Variants in ACOT4 observed in about 807,000 individuals in gnomAD.
ACOT4 encodes peroxisomal succinyl-coenzyme A thioesterase.
A neutral mutation model predicts 17.1 loss-of-function variants in ACOT4; 18 were observed. The observed-to-expected ratio is 1.05, with a 90% CI of 0.73 to 1.56. The LOEUF (loss-of-function observed/expected upper bound fraction) is 1.56, where lower values mean the gene tolerates loss of function less well. ACOT4 is among the 40% of genes most tolerant of loss of function. The pLI, the probability that ACOT4 is intolerant of heterozygous loss-of-function variation, is 0.00. For missense variants in ACOT4, 574 were observed against 557.2 expected (o/e 1.03, Z -0.30); for synonymous variants, 234 against 236.6 (o/e 0.99, Z 0.10).
chr14:73,594,729 C>T (rs1342429177), intron 2 of ACOT4, among the ~76,000 whole-genome samples: 1 of 151,718 alleles, frequency 6.6e-6, no homozygotes, highest in East Asian at 1.9e-4. Flanking sequence ...GAGACGGAGT[C>T]TCGCTTTGTC....
chr14:73,593,073 T>C (rs958901340), intron 1 of ACOT4, among the ~76,000 whole-genome samples: 13 of 152,230 alleles, frequency 8.5e-5, no homozygotes, highest in African/African-American at 2.9e-4. Flanking sequence ...TAAGGCAGAA[T>C]GATGACAGTG....
rs1420256731 is a variant in ACOT4, at chr14:73,592,403, C to T, written c.444C>T (p.Leu148=). 1 of 1,531,578 alleles carries T rather than the reference C, an allele frequency of 6.5e-7. No homozygotes were observed. The allele number at this position is 1,531,578 out of a possible 1,614,324, so 94.9% of individuals were successfully genotyped here. A position where few individuals can be genotyped will look rare whatever the true frequency, so the allele number is the denominator to read the frequency against. ...SVRAGRVRAT[L]FLPPGPGPFP... is the part of the protein sequence containing the mutation. ...GAGCGGGCCGGGTGCGCGCCACGCTCTTCCTGCCGCCAGGTGAGCCAGGCT... is the reference window on the plus strand; with the variant it reads ...GAGCGGGCCGGGTGCGCGCCACGCTTTTCCTGCCGCCAGGTGAGCCAGGCT... Residue 148 remains leucine (L), a synonymous_variant, in exon 1 of 3, where the codon CTC becomes CTT. Coordinates refer to ENST00000326303, the MANE Select transcript of ACOT4 (RefSeq NM_152331.4).
Position 73,592,166 on chromosome 14 carries a change from C to T in ACOT4, c.207C>T (p.Gly69=), listed in dbSNP as rs770940904. Residue 69 remains glycine, a synonymous_variant, in exon 1 of 3, where the codon GGC becomes GGT. Coordinates refer to ENST00000326303, the MANE Select transcript of ACOT4 (RefSeq NM_152331.4). ...ELDLERAPAL[G]GSFAGLEPMG... ...ACCTGGAGCGCGCACCCGCGCTGGG[C>T]GGCAGCTTCGCGGGACTCGAGCCCA... 9 of 1,602,452 alleles carry T rather than the reference C, an allele frequency of 5.6e-6. No homozygotes were observed. Among genetic ancestry groups the T allele is most frequent in the South Asian group, 1.1e-5 (1 of 89,304 alleles).
At position 73,593,687 on chromosome 14, in the gene ACOT4, T is replaced by C. The variant is rs772463262; in HGVS notation, c.458-15T>C. On this transcript the variant is annotated splice_polypyrimidine_tract_variant and intron_variant, in intron 1 of 2. Transcript: ENST00000326303. The stretch of plus-strand genomic sequence containing the variant: ...ATTGTATAATGGCTTACATTTATAA[T>C]ATTTTGTTCTCTAGGACCTGGACCC... 7.6e-6 allele frequency: 12 copies of C among 1,583,466 alleles called. No individual in the cohort carries two copies. Among genetic ancestry groups the C allele is most frequent in the South Asian group, 2.2e-5 (2 of 88,912 alleles).
At chr14:73,593,336 C>CTTTTTTTTTTTTT (rs60704237) in intron 1 of ACOT4, among the ~76,000 whole-genome samples, 15 of 104,862 alleles carry the variant, frequency 1.4e-4, no homozygotes, top group Non-Finnish European at 2.2e-4. Flanking sequence ...TTCTTTCTTT[C>CTTTTTTTTTTTTT]TTTTTTTTTT....
rs957222093 is a variant in ACOT4 at position 73,592,352 on chromosome 14, G to T, written c.393G>T (p.Pro131=). The T allele has an allele frequency of 2.5e-6, 4 of 1,591,426 alleles. No homozygotes were observed. The highest frequency in any genetic ancestry group is 2.3e-5 in the East Asian group (1 of 43,662). The change falls in exon 1 of 3, where the codon CCG becomes CCT. Residue 131 remains proline (P), a synonymous_variant. Transcript: ENST00000326303. ...CGCAGCACGAGCGCCACTTCCTCCC[G>T]CCAGGGGTGCGGCGCCAGTCGGTGC... ...CQAQHERHFL[P]PGVRRQSVRA... is the part of the protein sequence containing the mutation.
chr14:73,592,425 G>C lies in ACOT4; in HGVS notation c.457+9G>C. 1 of 1,501,058 alleles carries C rather than the reference G, an allele frequency of 6.7e-7. No homozygotes were observed. Among genetic ancestry groups the C allele is most frequent in the Non-Finnish European group, 8.8e-7 (1 of 1,132,498 alleles). The allele number at this position is 1,501,058 out of a possible 1,614,324, so 93.0% of individuals were successfully genotyped here. ...GCTCTTCCTGCCGCCAGGTGAGCCAGGCTGCTGGCGGGTGGTGTGAGCGTC... is the reference window on the plus strand; with the variant it reads ...GCTCTTCCTGCCGCCAGGTGAGCCACGCTGCTGGCGGGTGGTGTGAGCGTC... On this transcript the variant is annotated intron_variant, in intron 1 of 2. Coordinates refer to ENST00000326303, the MANE Select transcript of ACOT4 (RefSeq NM_152331.4).
At chr14:73,593,428 T>C (rs1157268299) in intron 1 of ACOT4, among the ~76,000 whole-genome samples, 1 of 141,220 alleles carries the variant, frequency 7.1e-6, no homozygotes, top group African/African-American at 2.6e-5. Flanking sequence ...AGCCTTGACC[T>C]CTGGGGCTCA....
chr14:73,595,069 G>T lies in ACOT4; in HGVS notation c.681G>T (p.Gly227=). Reference sequence around the variant, plus strand: ...TCCAGGTAAAAGGCCCAGGCATTGGGCTTTTGGGCATTTCTCTAGGAGCTG... The same window carrying T: ...TCCAGGTAAAAGGCCCAGGCATTGGTCTTTTGGGCATTTCTCTAGGAGCTG... ...QHPQVKGPGI[G]LLGISLGADI... is the part of the protein sequence containing the mutation. The change falls in exon 3 of 3, where the codon GGG becomes GGT. Residue 227 remains glycine (G), a synonymous_variant. Coordinates refer to ENST00000326303, the MANE Select transcript of ACOT4 (RefSeq NM_152331.4). The T allele has an allele frequency of 6.2e-7, 1 of 1,613,840 alleles. No homozygotes were observed. Among genetic ancestry groups the T allele is most frequent in the Non-Finnish European group, 8.5e-7 (1 of 1,179,982 alleles).
At chr14:73,592,486 T>G (rs1890171613) in intron 1 of ACOT4, 70 bp downstream of exon 1, 1 of 1,420,918 alleles carries the variant, frequency 7.0e-7, no homozygotes, top group East Asian at 2.5e-5. Context: ...CAGTGCTGAT[T>G]TAGCACTGGT....
Position 73,593,731 on chromosome 14 carries a change from A to G in ACOT4, c.487A>G (p.Ile163Val). The change falls in exon 2 of 3, where the codon ATC (isoleucine) becomes GTC (valine). Residue 163 changes from isoleucine (I) to valine (V), a missense_variant. Transcript: ENST00000326303. Reference protein sequence around the residue: ...GPGPFPGIIDIFGIGGGLLEY... With the variant: ...GPGPFPGIIDVFGIGGGLLEY... ...TGGACCCTTCCCAGGGATCATTGACATCTTTGGTATTGGAGGGGGCCTCTT... is the reference window on the plus strand; with the variant it reads ...TGGACCCTTCCCAGGGATCATTGACGTCTTTGGTATTGGAGGGGGCCTCTT... 4.3e-6 allele frequency: 7 copies of G among 1,613,062 alleles called. No individual in the cohort carries two copies. The highest frequency in any genetic ancestry group is 5.9e-6 in the Non-Finnish European group (7 of 1,179,380).
Position 73,595,148 on chromosome 14 carries a change from A to G in ACOT4, c.760A>G (p.Ile254Val), listed in dbSNP as rs745343293. The change falls in exon 3 of 3, where the codon ATC becomes GTC. Residue 254 changes from isoleucine to valine, a missense_variant. Ile to Val is a conservative substitution (Grantham distance 29, BLOSUM62 3). Transcript: ENST00000326303. ...GAAGAATGTCTCAGCCACAGTTTCC[A>G]TCAATGGATCTGGGATCAGTGGGAA... ...FLKNVSATVS[I>V]NGSGISGNTA... 3 of 1,614,220 alleles carry G rather than the reference A, an allele frequency of 1.9e-6. No individual in the cohort carries two copies. The highest frequency in any genetic ancestry group is 1.1e-5 in the South Asian group (1 of 91,084).
rs1199364877 is a variant in ACOT4, at chr14:73,592,110, C to A, written c.151C>A (p.Arg51Ser). Reference protein sequence around the residue: ...EKGALFRAHARYCADARGELD... With the variant: ...EKGALFRAHASYCADARGELD... ...GGGCGCGCTCTTCCGGGCCCACGCG[C>A]GCTACTGCGCCGACGCCCGCGGCGA... Residue 51 changes from arginine (R) to serine (S), a missense_variant, in exon 1 of 3, where the codon CGC becomes AGC. By Grantham distance (110) the Arg-to-Ser change is moderately radical. Coordinates refer to ENST00000326303, the MANE Select transcript of ACOT4 (RefSeq NM_152331.4). The A allele has an allele frequency of 4.0e-6, 6 of 1,509,880 alleles. No homozygotes were observed. The South Asian group carries it at 7.6e-5, about 19-fold the overall frequency. 93.5% of individuals were successfully genotyped at this position (1,509,880 alleles called of 1,614,324 possible). A position where few individuals can be genotyped will look rare whatever the true frequency, so the allele number is the denominator to read the frequency against.
chr14:73,592,786 G>A (rs564916337), intron 1 of ACOT4, among the ~76,000 whole-genome samples: 1 of 152,316 alleles, frequency 6.6e-6, no homozygotes, highest in East Asian at 1.9e-4. Flanking sequence ...CTGGGAGATG[G>A]AGGTTGCAGT....
chr14:73,593,959 G>A (rs1890202032), intron 2 of ACOT4, 55 bp downstream of exon 2: 16 of 1,472,774 alleles, frequency 1.1e-5, no homozygotes, highest in Non-Finnish European at 1.5e-5. Flanking sequence ...TCCATAGAGA[G>A]TGTAACCTTT....
Position 73,595,374 on chromosome 14 carries a change from G to A in ACOT4, c.986G>A (p.Trp329Ter). Reference sequence around the variant, plus strand: ...ATTGTTGGTCAGGATGACCATAACTGGAGAAGTGAGTTGTATGCCCAAACA... The same window carrying A: ...ATTGTTGGTCAGGATGACCATAACTAGAGAAGTGAGTTGTATGCCCAAACA... ...LLIVGQDDHNWRSELYAQTVS... is the reference protein window; with the variant it reads ...LLIVGQDDHN The change falls in exon 3 of 3, where the codon TGG (tryptophan) becomes TAG (stop). Residue 329 changes from tryptophan to a stop codon, truncating the protein, a stop_gained. Transcript: ENST00000326303. LOFTEE classifies it low-confidence loss of function (END_TRUNC). 1.9e-6 allele frequency: 3 copies of A among 1,614,230 alleles called. No homozygotes were observed. The highest frequency in any genetic ancestry group is 2.5e-6 in the Non-Finnish European group (3 of 1,180,048).
intron 1 of ACOT4, 130 bp from the exon 2 acceptor site, chr14:73,593,572 G>A (rs1890191767): frequency 3.9e-6 from 3 of 759,778 alleles, no homozygotes; most frequent in Non-Finnish European, 4.2e-6. Context: ...TGAACTCCTG[G>A]CCTCAAGCAA....
At chr14:73,593,336 C>CTTTTTTTTTTTTTTTTTTTTTT (rs60704237) in intron 1 of ACOT4, among the ~76,000 whole-genome samples, 2 of 104,872 alleles carry the variant, frequency 1.9e-5, no homozygotes, top group Non-Finnish European at 3.6e-5. Context: ...TTCTTTCTTT[C>CTTTTTTTTTTTTTTTTTTTTTT]TTTTTTTTTT....
At chr14:73,592,540 A>C (rs1890172591) in intron 1 of ACOT4, 124 bp downstream of exon 1, 1 of 1,189,844 alleles carries the variant, frequency 8.4e-7, no homozygotes, top group East Asian at 2.7e-5. Context: ...TGACTATGTC[A>C]GTGGCCACTC....
Sources: allele counts gnomAD v4.1 joint callset (sites outside exome capture counted in the v4.1 genomes callset), GRCh38; gene constraint gnomAD v4.1.1; transcripts MANE v1.5; gene names NCBI Gene and HGNC (gene_info 2026-07-23, HGNC 2026-07-21).